ZCWPW2: variants seen among roughly 807,000 people sequenced by gnomAD.
ZCWPW2 encodes the protein zinc finger CW-type PWWP domain protein 2.
Under a neutral mutation model 46.6 loss-of-function variants are expected in ZCWPW2, and 45 were observed. The ratio of observed to expected loss-of-function variants is 0.96; its 90% CI spans 0.76 to 1.24. The LOEUF is 1.24. ZCWPW2 is among the 50% of genes most tolerant of loss of function. ZCWPW2 has a pLI of 0.00. For synonymous variants in ZCWPW2, 152 were observed against 137.1 expected, an observed-to-expected ratio of 1.11 and a Z score of -0.76; for missense variants, 429 against 403.9, an observed-to-expected ratio of 1.06 and a Z score of -0.53.
chr3:28,370,597 A>G (rs775016954), intron 1 of ZCWPW2, among the ~76,000 whole-genome samples: 18 of 152,074 alleles, frequency 1.2e-4, no homozygotes, highest in Non-Finnish European at 2.2e-4. Flanking sequence ...AGGTTATAAG[A>G]TATCTAAGGT....
At chr3:28,356,623 A>T (rs1331474517) in intron 1 of ZCWPW2, among the ~76,000 whole-genome samples, 1 of 152,196 alleles carries the variant, frequency 6.6e-6, no homozygotes, top group Non-Finnish European at 1.5e-5. Context: ...ATCAGTGATA[A>T]ACTGGATGAA....
At chr3:28,442,861 G>A (rs1697823192) in intron 4 of ZCWPW2, among the ~76,000 whole-genome samples, 1 of 152,134 alleles carries the variant, frequency 6.6e-6, no homozygotes, top group South Asian at 2.1e-4. Flanking sequence ...CCTTGATGGT[G>A]GCACTAGTCT....
At chr3:28,437,447 TTTAAA>T (rs1324602387) in intron 4 of ZCWPW2, among the ~76,000 whole-genome samples, 1 of 152,224 alleles carries the variant, frequency 6.6e-6, no homozygotes, top group Non-Finnish European at 1.5e-5. Context: ...ATTATATGCA[TTTAAA>T]TTAAATTTTT....
chr3:28,382,068 G>A (rs6551254), intron 1 of ZCWPW2, among the ~76,000 whole-genome samples: 33,047 of 151,144 alleles, frequency 0.22, 3,920 homozygotes, highest in Admixed American at 0.28. Context: ...AGGCTGAGGC[G>A]GGAGAATCGC....
intron 2 of ZCWPW2, among the ~76,000 whole-genome samples, chr3:28,411,737 T>G (rs1384591271): frequency 6.6e-6 from 1 of 152,090 alleles, no homozygotes; most frequent in Non-Finnish European, 1.5e-5. Flanking sequence ...GCAATCCACA[T>G]TGCGTTTTTG....
At chr3:28,358,203 A>G (rs2125690847) in intron 1 of ZCWPW2, among the ~76,000 whole-genome samples, 1 of 152,166 alleles carries the variant, frequency 6.6e-6, no homozygotes, top group Non-Finnish European at 1.5e-5. Flanking sequence ...ATTCATTTCA[A>G]AGTGATCTTT....
Position 28,389,123 on chromosome 3 carries a change from T to C in ZCWPW2, c.-133-1375T>C, listed in dbSNP as rs147701775. 2.5e-3 allele frequency among the ~76,000 whole-genome samples: 376 copies of C among 152,280 alleles called. 1 individual carries two copies. Among genetic ancestry groups the C allele is most frequent in the African/African-American group, 8.3e-3 (343 of 41,566 alleles). On this transcript the variant is annotated intron_variant, in intron 1 of 9. Coordinates refer to ENST00000383768, the MANE Select transcript of ZCWPW2 (RefSeq NM_001040432.4). The stretch of plus-strand genomic sequence containing the variant: ...TTTTTCCCTCTGGAACTAAGACCTC[T>C]AGGCCGACAGAGCATGGCATCTTGG...
chr3:28,481,006 C>T lies in ZCWPW2; in HGVS notation c.610+2075C>T, dbSNP rs144570392. On this transcript the variant is annotated intron_variant, in intron 5 of 9. Transcript: ENST00000383768. ...TCAGCCTCCCGAGTAGTTGGGATTA[C>T]AGGCACATGCCACCATACCCGGATA... is the stretch of plus-strand genomic sequence containing the variant. Among the ~76,000 whole-genome samples, 243 of 151,710 alleles carry T rather than the reference C, an allele frequency of 1.6e-3. 3 individuals carry two copies. Among genetic ancestry groups the T allele is most frequent in the African/African-American group, 5.5e-3 (228 of 41,360 alleles).
chr3:28,387,075 C>T (rs1022099964), intron 1 of ZCWPW2, among the ~76,000 whole-genome samples: 20 of 152,176 alleles, frequency 1.3e-4, no homozygotes, highest in African/African-American at 4.6e-4. Context: ...TACCTGGCAA[C>T]AGGCATCTCT....
intron 4 of ZCWPW2, among the ~76,000 whole-genome samples, chr3:28,440,422 T>C (rs1697704043): frequency 6.6e-6 from 1 of 152,166 alleles, no homozygotes; most frequent in Admixed American, 6.5e-5. Flanking sequence ...GCAGTGATGG[T>C]GAGTGATGCC....
intron 4 of ZCWPW2, among the ~76,000 whole-genome samples, chr3:28,444,170 T>G (rs902435138): frequency 1.3e-5 from 2 of 152,208 alleles, no homozygotes; most frequent in African/African-American, 4.8e-5. Flanking sequence ...ATTATTATGC[T>G]TGTTCACCAG....
At position 28,348,876 on chromosome 3, in the gene ZCWPW2, C is replaced by G; in HGVS notation, c.-461C>G. 2 of 889,036 alleles carry G rather than the reference C, an allele frequency of 2.2e-6. No individual in the cohort carries two copies. The highest frequency in any genetic ancestry group is 1.3e-6 in the Non-Finnish European group (1 of 741,728). 55.1% of individuals were successfully genotyped at this position (889,036 alleles called of 1,614,324 possible). ...GCCGACGCGAGAGAAGGCCCGTTAC[C>G]CAGCAATACGCGCGCGAGACCCAGG... On this transcript the variant is annotated 5_prime_UTR_variant, in exon 1 of 10. Transcript: ENST00000383768.
At chr3:28,430,444 C>A (rs1184410281) in intron 3 of ZCWPW2, among the ~76,000 whole-genome samples, 2 of 152,192 alleles carry the variant, frequency 1.3e-5, no homozygotes, top group African/African-American at 2.4e-5. Flanking sequence ...CTTTTGATTT[C>A]ACAGGCTTAT....
chr3:28,500,990 C>G (rs1270299912), intron 6 of ZCWPW2, among the ~76,000 whole-genome samples: 1 of 151,492 alleles, frequency 6.6e-6, no homozygotes, highest in Non-Finnish European at 1.5e-5. Flanking sequence ...CAGTGTTCCC[C>G]AGACTTGAAT....
intron 7 of ZCWPW2, 141 bp downstream of exon 7, chr3:28,514,263 C>T (rs1053242299): frequency 1.9e-6 from 1 of 514,044 alleles, no homozygotes. Context: ...TTGCATGGAT[C>T]TGCTCATCTT....
Position 28,463,521 on chromosome 3 carries a change from T to C in ZCWPW2, c.493-15293T>C, listed in dbSNP as rs140404150. Among the ~76,000 whole-genome samples, 170 of 152,214 alleles carry C rather than the reference T, an allele frequency of 1.1e-3. 1 individual carries two copies. The highest frequency in any genetic ancestry group is 3.8e-3 in the African/African-American group (157 of 41,460). On this transcript the variant is annotated intron_variant, in intron 4 of 9. Coordinates refer to ENST00000383768, the MANE Select transcript of ZCWPW2 (RefSeq NM_001040432.4). ...TTGAAAATTCTAAAATTAATAGATA[T>C]ACTCAGATTTTAGTGAAAGTCTTTA... is the stretch of plus-strand genomic sequence containing the variant.
chr3:28,495,168 A>G (rs1453477720), intron 6 of ZCWPW2, among the ~76,000 whole-genome samples: 2 of 151,958 alleles, frequency 1.3e-5, no homozygotes, highest in Non-Finnish European at 2.9e-5. Flanking sequence ...ACACTACCTG[A>G]CTTCAAACTA....
intron 4 of ZCWPW2, among the ~76,000 whole-genome samples, chr3:28,474,200 A>T (rs1699142894): frequency 6.6e-6 from 1 of 152,202 alleles, no homozygotes; most frequent in Non-Finnish European, 1.5e-5. Flanking sequence ...ATTGGCAAAG[A>T]TGTCAAAACT....
In ZCWPW2 at chr3:28,368,602, C is replaced by G. The variant is rs577059805; in HGVS notation, c.-134+19399C>G. ...TGGCTGCCCTTAACATTTTTTCCTT[C>G]ATTTCAACGTTGGTGAATCTGACAA... is the stretch of plus-strand genomic sequence containing the variant. On this transcript the variant is annotated intron_variant, in intron 1 of 9. Transcript: ENST00000383768. 2.5e-3 allele frequency among the ~76,000 whole-genome samples: 387 copies of G among 152,264 alleles called. 1 individual carries two copies. Among genetic ancestry groups the G allele is most frequent in the African/African-American group, 8.4e-3 (351 of 41,540 alleles).
Sources: allele counts gnomAD v4.1 joint callset (sites outside exome capture counted in the v4.1 genomes callset), GRCh38; gene constraint gnomAD v4.1.1; transcripts MANE v1.5; gene names NCBI Gene and HGNC (gene_info 2026-07-23, HGNC 2026-07-21).